Variants in EVA1C observed in about 807,000 individuals in gnomAD.
EVA1C encodes protein eva-1 homolog C.
In EVA1C, 25 loss-of-function variants were observed where a neutral mutation model predicts 45.4. The ratio of observed to expected loss-of-function variants is 0.55; its 90% CI spans 0.40 to 0.77. The LOEUF is 0.77. EVA1C is among the 30% of genes least tolerant of loss of function. EVA1C has a pLI of 0.00. For synonymous variants in EVA1C, 190 were observed against 221.2 expected (o/e 0.86, Z 1.25); for missense variants, 479 against 554.8 (o/e 0.86, Z 1.37).
chr21:32,500,089 A>G (rs992368153), intron 5 of EVA1C, among the ~76,000 whole-genome samples: 1 of 152,098 alleles, frequency 6.6e-6, no homozygotes, highest in Non-Finnish European at 1.5e-5. Context: ...TAGAAAGCAG[A>G]AGAGTAGGTG....
intron 1 of EVA1C, among the ~76,000 whole-genome samples, chr21:32,425,962 C>T (rs2034471550): frequency 6.7e-6 from 1 of 149,454 alleles, no homozygotes; most frequent in Admixed American, 6.7e-5. Context: ...AAAGTGAACA[C>T]TTTTTTTTTT....
chr21:32,442,392 T>C (rs1041950320), intron 1 of EVA1C, among the ~76,000 whole-genome samples: 17 of 152,256 alleles, frequency 1.1e-4, no homozygotes, highest in African/African-American at 4.1e-4. Flanking sequence ...CCTTTTGATC[T>C]TGATGCCCCT....
intron 4 of EVA1C, among the ~76,000 whole-genome samples, chr21:32,488,707 T>C (rs2146380341): frequency 6.6e-6 from 1 of 152,180 alleles, no homozygotes; most frequent in East Asian, 1.9e-4. Flanking sequence ...TGCTTCAGCC[T>C]CCCTAGTAGC....
intron 1 of EVA1C, among the ~76,000 whole-genome samples, chr21:32,448,011 C>T (rs1444005248): frequency 5.3e-5 from 8 of 152,148 alleles, no homozygotes; most frequent in Non-Finnish European, 1.2e-4. Context: ...GGCCCCTCCA[C>T]TCACTTTTCA....
chr21:32,439,456 A>G (rs2035093339), intron 1 of EVA1C, among the ~76,000 whole-genome samples: 1 of 152,154 alleles, frequency 6.6e-6, no homozygotes, highest in South Asian at 2.1e-4. Flanking sequence ...GGACGCCCGT[A>G]TTTCTTTACA....
At chr21:32,484,694 T>A (rs750407500) in intron 4 of EVA1C, among the ~76,000 whole-genome samples, 18 of 152,162 alleles carry the variant, frequency 1.2e-4, no homozygotes, top group South Asian at 2.1e-4. Flanking sequence ...GGCCCCTTTT[T>A]CTCAGCAGAT....
At chr21:32,501,983 CTTTT>C (rs2037545666) in intron 6 of EVA1C, among the ~76,000 whole-genome samples, 2 of 139,006 alleles carry the variant, frequency 1.4e-5, no homozygotes, top group African/African-American at 2.7e-5. Flanking sequence ...CTCTCTCGCT[CTTTT>C]CTTTCTTTCT....
chr21:32,415,419 G>A (rs913513495), intron 1 of EVA1C, among the ~76,000 whole-genome samples: 56 of 152,304 alleles, frequency 3.7e-4, no homozygotes, highest in African/African-American at 1.3e-3. Flanking sequence ...GTGCCAGAAT[G>A]TCAGGGGTCC....
intron 7 of EVA1C, among the ~76,000 whole-genome samples, chr21:32,507,916 C>T (rs200882232): frequency 3.2e-4 from 44 of 135,870 alleles, no homozygotes; most frequent in Non-Finnish European, 5.1e-4. Context: ...TGTGTGTGTG[C>T]GTGTGTGCCT....
intron 1 of EVA1C, among the ~76,000 whole-genome samples, chr21:32,446,979 C>A (rs1568891688): frequency 6.6e-6 from 1 of 152,202 alleles, no homozygotes; most frequent in South Asian, 2.1e-4. Context: ...GTCCCTTGCG[C>A]CCCTCCCCTC....
At chr21:32,470,000 C>T (rs1331983857) in intron 4 of EVA1C, among the ~76,000 whole-genome samples, 3 of 152,196 alleles carry the variant, frequency 2.0e-5, no homozygotes, top group African/African-American at 4.8e-5. Context: ...CCAATCTGTG[C>T]TGGTGAAAAA....
intron 4 of EVA1C, among the ~76,000 whole-genome samples, chr21:32,491,476 G>T (rs2037154684): frequency 6.6e-6 from 1 of 151,876 alleles, no homozygotes; most frequent in Non-Finnish European, 1.5e-5. Flanking sequence ...ATCACCGGGG[G>T]TCAGGAGTTC....
In EVA1C at chr21:32,472,783, T is replaced by C. The variant is rs114628258; in HGVS notation, c.634+4935T>C. On this transcript the variant is annotated intron_variant, in intron 4 of 7. Transcript: ENST00000300255. ...AGAAACCCTGATGTAGAAAGGACTG[T>C]GAAGAAAAGTCTGTGACTCTGCTCT... is the stretch of plus-strand genomic sequence containing the variant. 9.9e-3 allele frequency among the ~76,000 whole-genome samples: 1,507 copies of C among 152,336 alleles called. 25 individuals are homozygous for C. The highest frequency in any genetic ancestry group is 0.035 in the African/African-American group (1,440 of 41,584).
rs561559152 is a variant in EVA1C, at chr21:32,462,862, T to C, written c.482-4834T>C. ...ATAAGGAATAGTTTTAGTTAATCTA[T>C]AATCTATAGAAACAATGCTTATCAC... On this transcript the variant is annotated intron_variant, in intron 3 of 7. Coordinates refer to ENST00000300255, the MANE Select transcript of EVA1C (RefSeq NM_058187.5). 3.5e-4 allele frequency among the ~76,000 whole-genome samples: 53 copies of C among 152,366 alleles called. 1 individual carries two copies. Among genetic ancestry groups the C allele is most frequent in the Middle Eastern group, 3.4e-3 (1 of 294 alleles).
At chr21:32,421,271 C>T (rs1422758422) in intron 1 of EVA1C, among the ~76,000 whole-genome samples, 2 of 152,304 alleles carry the variant, frequency 1.3e-5, no homozygotes, top group Middle Eastern at 3.4e-3. Context: ...GAAGATTTAA[C>T]AGGTGCCTGA....
intron 4 of EVA1C, among the ~76,000 whole-genome samples, chr21:32,481,744 A>G (rs927013155): frequency 2.6e-5 from 4 of 152,232 alleles, no homozygotes; most frequent in African/African-American, 9.6e-5. Flanking sequence ...TTGTTAAGTC[A>G]CAAAAGCTTG....
intron 4 of EVA1C, among the ~76,000 whole-genome samples, chr21:32,473,194 A>G (rs1312904074): frequency 6.6e-6 from 1 of 152,220 alleles, no homozygotes; most frequent in Non-Finnish European, 1.5e-5. Flanking sequence ...ATTGAATGCT[A>G]TGAAATCATT....
intron 2 of EVA1C, among the ~76,000 whole-genome samples, 193 bp downstream of exon 2, chr21:32,453,701 C>T (rs564243748): frequency 6.6e-6 from 1 of 152,324 alleles, no homozygotes; most frequent in Non-Finnish European, 1.5e-5. Flanking sequence ...TGTTGCCCAA[C>T]AAAACTAAAT....
intron 1 of EVA1C, among the ~76,000 whole-genome samples, chr21:32,414,385 G>C (rs566600399): frequency 1.3e-5 from 2 of 152,286 alleles, no homozygotes; most frequent in South Asian, 2.1e-4. Flanking sequence ...AAGCAGTTCT[G>C]AGTTCAGCCA....
Sources: allele counts gnomAD v4.1 joint callset (sites outside exome capture counted in the v4.1 genomes callset), GRCh38; gene constraint gnomAD v4.1.1; transcripts MANE v1.5; gene names NCBI Gene and HGNC (gene_info 2026-07-23, HGNC 2026-07-21).